Variants in LANCL1 observed in about 807,000 individuals in gnomAD.
LANCL1 encodes LanC like glutathione S-transferase 1.
LANCL1 carries 50 observed loss-of-function variants against 50.6 expected under a neutral mutation model. The observed-to-expected ratio is 0.99, with a 90% confidence interval of 0.79 to 1.25. LANCL1 has a LOEUF of 1.25. Among genes scored for constraint, LANCL1 ranks in the 50% most tolerant of loss-of-function variants. LANCL1 has a pLI of 0.00. For synonymous variants in LANCL1, 188 were observed against 178.6 expected (o/e 1.05, Z -0.42); for missense variants, 532 against 480.7 (o/e 1.11, Z -1.00).
intron 3 of LANCL1, chr2:210,468,749 G>C (rs1052210348): frequency 6.6e-6 from 1 of 152,338 alleles, no homozygotes; most frequent in Admixed American, 6.5e-5. Flanking sequence ...AGAAGCTAGA[G>C]GCTGAGGAAT....
At chr2:210,464,344 A>T (rs928985916) in intron 3 of LANCL1, among the ~76,000 whole-genome samples, 2 of 152,172 alleles carry the variant, frequency 1.3e-5, no homozygotes, top group Non-Finnish European at 2.9e-5. Flanking sequence ...ACCTTCTATT[A>T]GTTTTAATTT....
At chr2:210,460,963 A>G (rs985708169) in intron 3 of LANCL1, 1 of 152,188 alleles carries the variant, frequency 6.6e-6, no homozygotes, top group African/African-American at 2.4e-5. Context: ...AAACAAAACA[A>G]AAAAACAGGG....
At chr2:210,455,710 T>G (rs1485105458) in intron 3 of LANCL1, among the ~76,000 whole-genome samples, 1 of 152,124 alleles carries the variant, frequency 6.6e-6, no homozygotes, top group African/African-American at 2.4e-5. Flanking sequence ...CAATAATTAT[T>G]TAATAAGAAA....
chr2:210,455,283 A>C lies in LANCL1; in HGVS notation c.231T>G (p.Asp77Glu), dbSNP rs566857010. The change falls in exon 4 of 10, where the codon GAT becomes GAG. Residue 77 changes from aspartate to glutamate, a missense_variant. Coordinates refer to ENST00000450366, the MANE Select transcript of LANCL1 (RefSeq NM_006055.3). The part of the protein sequence containing the change: ...GIAVLYLHLY[D>E]VFGDPAYLQL... ...GTAGGTAGGCAGGGTCCCCAAATAC[A>C]TCATAAAGATGTAAGTAAAGCACAG... 1 of 1,611,928 alleles carries C rather than the reference A, an allele frequency of 6.2e-7. No homozygotes were observed. The highest frequency in any genetic ancestry group is 2.2e-5 in the East Asian group (1 of 44,742).
At chr2:210,448,928 A>T (rs1177499307) in intron 4 of LANCL1, among the ~76,000 whole-genome samples, 2 of 152,216 alleles carry the variant, frequency 1.3e-5, no homozygotes, top group Admixed American at 1.3e-4. Context: ...CCAGAGGTAC[A>T]AGGAGGAGCT....
chr2:210,456,339 C>T (rs1421143097), intron 3 of LANCL1, among the ~76,000 whole-genome samples: 2 of 152,188 alleles, frequency 1.3e-5, no homozygotes, highest in East Asian at 3.8e-4. Context: ...TTTCCCTGTA[C>T]TGAGGACAAT....
intron 3 of LANCL1, 66 bp from the exon 4 acceptor site, chr2:210,455,380 G>A: frequency 7.4e-7 from 1 of 1,356,772 alleles, no homozygotes; most frequent in Non-Finnish European, 1.0e-6. Flanking sequence ...TTTTTGGCAT[G>A]GTGTCTACTC....
chr2:210,466,128 G>A (rs1428796674), intron 3 of LANCL1, among the ~76,000 whole-genome samples: 1 of 152,142 alleles, frequency 6.6e-6, no homozygotes, highest in Non-Finnish European at 1.5e-5. Context: ...CTTGATGTAG[G>A]GAAATATCTT....
At chr2:210,459,878 C>G (rs1165043449) in intron 3 of LANCL1, among the ~76,000 whole-genome samples, 1 of 151,624 alleles carries the variant, frequency 6.6e-6, no homozygotes, top group Non-Finnish European at 1.5e-5. Flanking sequence ...AGCTACTACC[C>G]TGGGGATGGG....
At chr2:210,476,044 T>C (rs1694354816) in intron 2 of LANCL1, among the ~76,000 whole-genome samples, 1 of 152,232 alleles carries the variant, frequency 6.6e-6, no homozygotes, top group Admixed American at 6.5e-5. Flanking sequence ...AAATGCCAAT[T>C]ACATAGTAAA....
chr2:210,438,435 T>G (rs1693013978), intron 6 of LANCL1, among the ~76,000 whole-genome samples: 1 of 152,204 alleles, frequency 6.6e-6, no homozygotes. Context: ...GTGCTCGGCA[T>G]TTTGTATATA....
At chr2:210,454,533 G>A (rs575452060) in intron 4 of LANCL1, among the ~76,000 whole-genome samples, 2 of 152,274 alleles carry the variant, frequency 1.3e-5, no homozygotes, top group African/African-American at 4.8e-5. Flanking sequence ...GCCTAAGAGC[G>A]ATGCATGCAG....
At chr2:210,444,587 T>C (rs1693253088) in intron 4 of LANCL1, among the ~76,000 whole-genome samples, 1 of 152,236 alleles carries the variant, frequency 6.6e-6, no homozygotes, top group Admixed American at 6.5e-5. Context: ...CCTCATCAAA[T>C]TGAGGCAACT....
chr2:210,477,001 G>A (rs893539536), upstream of LANCL1, among the ~76,000 whole-genome samples: 9 of 152,032 alleles, frequency 5.9e-5, no homozygotes, highest in Admixed American at 5.9e-4. Flanking sequence ...GTCATAAGAA[G>A]TATATATTTT....
intron 7 of LANCL1, among the ~76,000 whole-genome samples, chr2:210,437,468 A>G (rs1312798201): frequency 6.6e-6 from 1 of 152,186 alleles, no homozygotes; most frequent in Non-Finnish European, 1.5e-5. Flanking sequence ...GATCATAAAC[A>G]ATATCTCATT....
intron 3 of LANCL1, among the ~76,000 whole-genome samples, chr2:210,463,647 T>C (rs1693943621): frequency 6.6e-6 from 1 of 152,200 alleles, no homozygotes; most frequent in African/African-American, 2.4e-5. Context: ...TTTTTGAACA[T>C]TATAGAAGTA....
At chr2:210,471,608 C>G (rs182603437) in intron 3 of LANCL1, 38 of 478,716 alleles carry the variant, frequency 7.9e-5, no homozygotes, top group Admixed American at 7.6e-4. Context: ...ACCTCCGCTT[C>G]AGGCATTGTA....
intron 6 of LANCL1, among the ~76,000 whole-genome samples, chr2:210,438,664 G>A (rs1318096789): frequency 6.6e-6 from 1 of 152,168 alleles, no homozygotes; most frequent in African/African-American, 2.4e-5. Flanking sequence ...ATACTAACAA[G>A]TTAAGAGACC....
At chr2:210,437,073 A>G (rs534159644) in intron 7 of LANCL1, among the ~76,000 whole-genome samples, 1 of 152,300 alleles carries the variant, frequency 6.6e-6, no homozygotes, top group African/African-American at 2.4e-5. Flanking sequence ...TTTGGCACCA[A>G]TGGTCATAGA....
Sources: gnomAD v4.1 joint callset for allele counts (sites outside exome capture counted in the v4.1 genomes callset) on GRCh38, gnomAD v4.1.1 for gene constraint, MANE v1.5 for transcripts, NCBI Gene and HGNC (gene_info 2026-07-23, HGNC 2026-07-21) for gene names.